PRKCB: variants seen among roughly 807,000 people sequenced by gnomAD.
The protein encoded by PRKCB is protein kinase C beta, also known as protein kinase C beta type.
In PRKCB, 13 loss-of-function variants were observed where a neutral mutation model predicts 81.5. The observed-to-expected ratio is 0.16, with a 90% CI of 0.10 to 0.25. The LOEUF (loss-of-function observed/expected upper bound fraction) is 0.25. Among genes scored for constraint, PRKCB ranks in the 10% least tolerant of loss-of-function variants. The probability of loss-of-function intolerance (pLI) is 1.00; values close to 1 mark genes in which losing one functional copy is unlikely to be tolerated. For missense variants in PRKCB, 509 were observed against 875.7 expected, an observed-to-expected ratio of 0.58 and a Z score of 5.29; for synonymous variants, 335 against 321.4, an observed-to-expected ratio of 1.04 and a Z score of -0.45.
chr16:24,005,696 G>C (rs961513647), intron 3 of PRKCB, among the ~76,000 whole-genome samples: 12 of 152,138 alleles, frequency 7.9e-5, no homozygotes, highest in African/African-American at 2.9e-4. Context: ...GGGAATCTTG[G>C]CTCTGCCAAC....
chr16:24,005,546 C>T (rs1216907057), intron 3 of PRKCB, among the ~76,000 whole-genome samples: 1 of 152,196 alleles, frequency 6.6e-6, no homozygotes, highest in African/African-American at 2.4e-5. Flanking sequence ...CTTACAGTTC[C>T]TTCCAAATGT....
In PRKCB at chr16:24,059,829, A is replaced by G. The variant is rs541662629; in HGVS notation, c.529+24282A>G. 3.6e-4 allele frequency among the ~76,000 whole-genome samples: 55 copies of G among 152,360 alleles called. 2 individuals carry two copies. Among genetic ancestry groups the G allele is most frequent in the South Asian group, 3.5e-3 (17 of 4,826 alleles). ...AACTGGTAATGATAAACACGAGGCT[A>G]AGAATTGAACAGAGTCACTGGATTT... On this transcript the variant is annotated intron_variant, in intron 5 of 16. Transcript: ENST00000643927.
intron 5 of PRKCB, 24 bp from the exon 6 acceptor site, chr16:24,092,767 C>A (rs1359249596): frequency 6.2e-7 from 1 of 1,609,450 alleles, no homozygotes; most frequent in South Asian, 1.1e-5. Flanking sequence ...AGTATTAATG[C>A]AAAAACTGCT....
At chr16:23,896,634 A>AT (rs1425503406) in intron 2 of PRKCB, among the ~76,000 whole-genome samples, 1 of 152,200 alleles carries the variant, frequency 6.6e-6, no homozygotes. Context: ...AAGAAGTGGC[A>AT]TTAGCTGTGT....
At position 24,193,457 on chromosome 16, in the gene PRKCB, AAATAAAT is replaced by A. The variant is rs1213536543; in HGVS notation, c.1863+2230_1863+2236del. 8.3e-5 allele frequency among the ~76,000 whole-genome samples: 5 copies of A among 60,194 alleles called. 1 individual carries two copies. The highest frequency in any genetic ancestry group is 1.5e-4 in the Non-Finnish European group (5 of 33,510). The allele number at this position is 60,194 out of a possible 152,430, so 39.5% of individuals were successfully genotyped here. On this transcript the variant is annotated intron_variant, in intron 16 of 16. Coordinates refer to ENST00000643927, the MANE Select transcript of PRKCB (RefSeq NM_002738.7). ...GAGACTCCATCTCAAATAAATAAAT[AAATAAAT>A]AAATAAATAAATAAATAAATAAATA...
At chr16:24,099,969 C>T (rs1966484280) in intron 7 of PRKCB, 1 of 81,812 alleles carries the variant, frequency 1.2e-5, no homozygotes, top group Non-Finnish European at 2.4e-5. Flanking sequence ...GAGACTCCAT[C>T]TCAAAAAAAA....
chr16:24,096,099 C>T (rs1424347802), intron 7 of PRKCB, among the ~76,000 whole-genome samples: 6 of 152,122 alleles, frequency 3.9e-5, no homozygotes, highest in African/African-American at 1.2e-4. Context: ...AGATCGAGAC[C>T]ATCCTGGCCA....
intron 5 of PRKCB, 41 bp from the exon 6 acceptor site, chr16:24,092,750 G>T (rs1431143363): frequency 1.9e-6 from 3 of 1,585,974 alleles, no homozygotes; most frequent in Non-Finnish European, 2.6e-6. Context: ...GCTTAAACAT[G>T]TTGGACAGTA....
chr16:23,991,929 A>G (rs1233628334), intron 3 of PRKCB, among the ~76,000 whole-genome samples: 4 of 152,204 alleles, frequency 2.6e-5, no homozygotes, highest in Non-Finnish European at 5.9e-5. Flanking sequence ...TGTTTCTCCA[A>G]ACTTATATCC....
rs1053881240 is a variant in PRKCB at position 24,132,142 on chromosome 16, C to T, written c.1065+8161C>T. Among the ~76,000 whole-genome samples, 3 of 152,312 alleles carry T rather than the reference C, an allele frequency of 2.0e-5. No homozygotes were observed. The East Asian group carries it at 5.8e-4, about 29-fold the overall frequency. Reference sequence around the variant, plus strand: ...TCTACCTTCATTTCCTCCCCACCCACTCCTTCCTTATCCTTTTGTATTATG... The same window carrying T: ...TCTACCTTCATTTCCTCCCCACCCATTCCTTCCTTATCCTTTTGTATTATG... On this transcript the variant is annotated intron_variant, in intron 9 of 16. Coordinates refer to ENST00000643927, the MANE Select transcript of PRKCB (RefSeq NM_002738.7).
intron 5 of PRKCB, among the ~76,000 whole-genome samples, chr16:24,049,804 A>G (rs572361238): frequency 3.2e-4 from 48 of 152,378 alleles, no homozygotes; most frequent in African/African-American, 1.2e-3. Context: ...GGGAGGAAGC[A>G]GAATCAACTT....
chr16:24,055,676 A>C (rs1370707259), intron 5 of PRKCB, among the ~76,000 whole-genome samples: 1 of 152,228 alleles, frequency 6.6e-6, no homozygotes, highest in African/African-American at 2.4e-5. Context: ...AGAAAAGTGA[A>C]CCAATCTGAA....
intron 8 of PRKCB, among the ~76,000 whole-genome samples, chr16:24,116,199 A>G (rs564865177): frequency 2.0e-5 from 3 of 152,204 alleles, no homozygotes; most frequent in East Asian, 1.9e-4. Flanking sequence ...AGCAAGATAA[A>G]GGACAAGTTT....
intron 3 of PRKCB, among the ~76,000 whole-genome samples, chr16:24,031,290 C>A (rs1965548567): frequency 1.3e-5 from 2 of 152,174 alleles, no homozygotes; most frequent in Admixed American, 6.5e-5. Flanking sequence ...CAGGGGTCAG[C>A]CCAAAGGGAC....
rs117474407 is a variant in PRKCB, at chr16:24,206,908, G to A, written c.1864-7750G>A. Among the ~76,000 whole-genome samples, 92 of 152,324 alleles carry A rather than the reference G, an allele frequency of 6.0e-4. 2 individuals are homozygous for A. In the East Asian group the frequency reaches 0.017, roughly 28 times the overall value. On this transcript the variant is annotated intron_variant, in intron 16 of 16. Coordinates refer to ENST00000643927, the MANE Select transcript of PRKCB (RefSeq NM_002738.7). Reference sequence around the variant, plus strand: ...CCTTAGCACCAAAATACACGTCAAAGCAGCCACTTGTTTTAGAGTTTTTTT... The same window carrying A: ...CCTTAGCACCAAAATACACGTCAAAACAGCCACTTGTTTTAGAGTTTTTTT...
chr16:23,987,222 A>G (rs935298398), intron 2 of PRKCB, among the ~76,000 whole-genome samples: 4 of 152,234 alleles, frequency 2.6e-5, no homozygotes, highest in Non-Finnish European at 4.4e-5. Flanking sequence ...CTGCACGTGT[A>G]TCCCAGAATT....
intron 10 of PRKCB, among the ~76,000 whole-genome samples, chr16:24,167,409 A>C (rs1485786359): frequency 1.3e-5 from 2 of 152,068 alleles, no homozygotes; most frequent in African/African-American, 2.4e-5. Context: ...AAAATACAAA[A>C]ATTAGCCAAG....
chr16:24,154,646 C>T (rs774978908), intron 9 of PRKCB, 38 bp from the exon 10 acceptor site: 3 of 1,608,682 alleles, frequency 1.9e-6, no homozygotes. Context: ...CCCCCAGACT[C>T]CTTCCAACTG....
At chr16:24,106,209 C>T (rs1596550067) in intron 7 of PRKCB, among the ~76,000 whole-genome samples, 1 of 152,156 alleles carries the variant, frequency 6.6e-6, no homozygotes, top group Non-Finnish European at 1.5e-5. Context: ...TGGCAAGTTA[C>T]TTCGCCTCTC....
Sources: gnomAD v4.1 joint callset for allele counts (sites outside exome capture counted in the v4.1 genomes callset) on GRCh38, gnomAD v4.1.1 for gene constraint, MANE v1.5 for transcripts, NCBI Gene and HGNC (gene_info 2026-07-23, HGNC 2026-07-21) for gene names.